KMO: variants seen among roughly 807,000 people sequenced by gnomAD.
KMO encodes kynurenine 3-hydroxylase.
Under a neutral mutation model 57.8 loss-of-function variants are expected in KMO, and 24 were observed. The ratio of observed to expected loss-of-function variants is 0.42; its 90% CI spans 0.30 to 0.58. The LOEUF (loss-of-function observed/expected upper bound fraction) is 0.58, where lower values mean the gene tolerates loss of function less well. Among genes scored for constraint, KMO ranks in the 20% least tolerant of loss-of-function variants. KMO has a pLI of 0.22. For missense variants in KMO, 483 were observed against 588.2 expected, an observed-to-expected ratio of 0.82 and a Z score of 1.85; for synonymous variants, 210 against 193.6, an observed-to-expected ratio of 1.08 and a Z score of -0.70.
chr1:241,551,026 C>G lies in KMO; in HGVS notation c.294C>G (p.Pro98=). ...HSLSGKKSAI[P]YGTKSQYILS... Reference sequence around the variant, plus strand: ...TTTCAGGAAAAAAGTCTGCAATTCCCTATGGGACAAAGTCTCAGGTAGGTT... The same window carrying G: ...TTTCAGGAAAAAAGTCTGCAATTCCGTATGGGACAAAGTCTCAGGTAGGTT... The change falls in exon 4 of 15, where the codon CCC becomes CCG. Residue 98 remains proline (P), a synonymous_variant. Coordinates refer to ENST00000366559, the MANE Select transcript of KMO (RefSeq NM_003679.5). 3 of 1,562,522 alleles carry G rather than the reference C, an allele frequency of 1.9e-6. No homozygotes were observed. The highest frequency in any genetic ancestry group is 2.6e-6 in the Non-Finnish European group (3 of 1,150,232).
At chr1:241,551,462 T>C (rs138650454) in intron 4 of KMO, among the ~76,000 whole-genome samples, 112 of 152,310 alleles carry the variant, frequency 7.4e-4, no homozygotes, top group African/African-American at 1.2e-3. Flanking sequence ...ATTGGGCTTA[T>C]AATAGAATGT....
rs762077733 is a variant in KMO, at chr1:241,590,088, C to T, written c.1175C>T (p.Ser392Leu). Residue 392 changes from serine to leucine, a missense_variant, in exon 13 of 15, where the codon TCG becomes TTG. Physicochemically the swap from Ser to Leu is moderately radical, Grantham distance 145. Around this residue, in one of 3 missense-constraint regions of KMO, gnomAD observed 410 missense variants for 492.3 expected, o/e 0.83. Coordinates refer to ENST00000366559, the MANE Select transcript of KMO (RefSeq NM_003679.5). ...AGATTTCTTCATGCGATTATGCCAT[C>T]GACCTTTATCCCTCTCTATACAATG... is the stretch of plus-strand genomic sequence containing the variant. ...MERFLHAIMP[S>L]TFIPLYTMVT... 7.4e-6 allele frequency: 12 copies of T among 1,613,522 alleles called. No individual in the cohort carries two copies. The highest frequency in any genetic ancestry group is 2.2e-5 in the South Asian group (2 of 91,070).
At chr1:241,565,598 C>T (rs1039431820) in intron 8 of KMO, among the ~76,000 whole-genome samples, 10 of 150,078 alleles carry the variant, frequency 6.7e-5, no homozygotes, top group Admixed American at 2.7e-4. Flanking sequence ...CATGGTGACA[C>T]GTGCATCCCC....
At chr1:241,546,760 G>A (rs1661163630) in intron 1 of KMO, among the ~76,000 whole-genome samples, 1 of 152,116 alleles carries the variant, frequency 6.6e-6, no homozygotes, top group Non-Finnish European at 1.5e-5. Flanking sequence ...TTGATTTTGA[G>A]GTGCTTTGAG....
At chr1:241,579,275 T>C in intron 10 of KMO, among the ~76,000 whole-genome samples, 1 of 152,106 alleles carries the variant, frequency 6.6e-6, no homozygotes, top group East Asian at 1.9e-4. Flanking sequence ...TTGCCTTATG[T>C]TACCTAGGGG....
At chr1:241,575,449 G>A (rs541415053) in intron 10 of KMO, among the ~76,000 whole-genome samples, 87 of 152,052 alleles carry the variant, frequency 5.7e-4, no homozygotes, top group Non-Finnish European at 9.9e-4. Context: ...TAACCCAGAG[G>A]TTTTGATATG....
intron 2 of KMO, 52 bp from the exon 3 acceptor site, chr1:241,549,625 T>G: frequency 5.8e-6 from 7 of 1,203,346 alleles, no homozygotes; most frequent in African/African-American, 1.5e-5. Flanking sequence ...TTGCTCATCC[T>G]GAGCTAGGAT....
intron 11 of KMO, among the ~76,000 whole-genome samples, chr1:241,588,425 C>T (rs576752019): frequency 5.5e-5 from 8 of 145,036 alleles, no homozygotes; most frequent in East Asian, 2.1e-4. Context: ...TCCTTGTGCT[C>T]GCGTGACTGG....
At chr1:241,587,134 G>A (rs900929238) in intron 11 of KMO, among the ~76,000 whole-genome samples, 1 of 152,156 alleles carries the variant, frequency 6.6e-6, no homozygotes, top group African/African-American at 2.4e-5. Context: ...CCACAGACAG[G>A]GGGTGGGGGG....
intron 7 of KMO, among the ~76,000 whole-genome samples, chr1:241,563,867 A>T (rs1259758103): frequency 6.6e-6 from 1 of 151,940 alleles, no homozygotes; most frequent in Non-Finnish European, 1.5e-5. Flanking sequence ...TTTGTTCTTC[A>T]TGTAATGTGT....
chr1:241,578,201 G>T (rs1021388663), intron 10 of KMO, among the ~76,000 whole-genome samples: 1 of 152,138 alleles, frequency 6.6e-6, no homozygotes, highest in African/African-American at 2.4e-5. Flanking sequence ...AGTGGTGGAT[G>T]AGGAGGAAAA....
Position 241,590,133 on chromosome 1 carries a change from C to T in KMO, c.1200+20C>T. On this transcript the variant is annotated intron_variant, in intron 13 of 14. Coordinates refer to ENST00000366559, the MANE Select transcript of KMO (RefSeq NM_003679.5). Reference sequence around the variant, plus strand: ...ACAATGGTAAGGTCTGGACTGAAGACTTTTCCTCATTTTGATTTTCTGTTT... The same window carrying T: ...ACAATGGTAAGGTCTGGACTGAAGATTTTTCCTCATTTTGATTTTCTGTTT... 6.2e-7 allele frequency: 1 copy of T among 1,608,658 alleles called. No individual in the cohort carries two copies. Among genetic ancestry groups the T allele is most frequent in the Non-Finnish European group, 8.5e-7 (1 of 1,175,314 alleles).
At chr1:241,564,586 A>G (rs1253389023) in intron 7 of KMO, among the ~76,000 whole-genome samples, 2 of 151,898 alleles carry the variant, frequency 1.3e-5, no homozygotes, top group Non-Finnish European at 2.9e-5. Flanking sequence ...TATATAATGT[A>G]TGTGCATACA....
intron 10 of KMO, among the ~76,000 whole-genome samples, chr1:241,585,465 A>G (rs1662937389): frequency 6.6e-6 from 1 of 151,786 alleles, no homozygotes; most frequent in South Asian, 2.1e-4. Flanking sequence ...TTTATTTAAA[A>G]AATATCTTAA....
At chr1:241,564,285 A>C (rs1661993220) in intron 7 of KMO, among the ~76,000 whole-genome samples, 1 of 152,230 alleles carries the variant, frequency 6.6e-6, no homozygotes, top group Non-Finnish European at 1.5e-5. Flanking sequence ...TTCTATGTAT[A>C]TAATACCCCT....
At chr1:241,537,816 G>C (rs1660801203) in intron 1 of KMO, among the ~76,000 whole-genome samples, 1 of 152,066 alleles carries the variant, frequency 6.6e-6, no homozygotes, top group Admixed American at 6.6e-5. Flanking sequence ...GAACAGCATG[G>C]GAAAGACCCA....
At chr1:241,569,718 T>C (rs535514578) in intron 10 of KMO, among the ~76,000 whole-genome samples, 46 of 152,130 alleles carry the variant, frequency 3.0e-4, no homozygotes, top group Non-Finnish European at 5.6e-4. Context: ...ATTTTTAGTT[T>C]GTTGAGGAAC....
At chr1:241,547,891 A>T (rs1350906685) in intron 1 of KMO, among the ~76,000 whole-genome samples, 1 of 152,102 alleles carries the variant, frequency 6.6e-6, no homozygotes, top group Non-Finnish European at 1.5e-5. Context: ...CACAAATGTT[A>T]TTTGAAGCAT....
At chr1:241,557,408 A>G (rs1661678819) in intron 5 of KMO, among the ~76,000 whole-genome samples, 1 of 152,126 alleles carries the variant, frequency 6.6e-6, no homozygotes, top group South Asian at 2.1e-4. Flanking sequence ...ATTTTTAAAC[A>G]GAGACTGTAC....
Sources: gnomAD v4.1 joint callset for allele counts (sites outside exome capture counted in the v4.1 genomes callset) on GRCh38, gnomAD v4.1.1 for gene constraint, gnomAD v4.1.1 regional missense constraint, MANE v1.5 for transcripts, NCBI Gene and HGNC (gene_info 2026-07-23, HGNC 2026-07-21) for gene names.